CNOT9: variants seen among roughly 807,000 people sequenced by gnomAD.
The protein encoded by CNOT9 is RCD1 required for cell differentiation1 homolog.
Under a neutral mutation model 37.4 loss-of-function variants are expected in CNOT9, and 8 were observed. That is an observed-to-expected ratio of 0.21 (90% CI 0.13 to 0.39). The LOEUF is 0.39. CNOT9 is among the 10% of genes least tolerant of loss of function. The pLI, the probability that CNOT9 is intolerant of heterozygous loss-of-function variation, is 1.00. For synonymous variants in CNOT9, 120 were observed against 137.6 expected (o/e 0.87, Z 0.90); for missense variants, 154 against 365.3 (o/e 0.42, Z 4.71).
chr2:218,575,765 T>C (rs1694145211), intron 1 of CNOT9, among the ~76,000 whole-genome samples: 2 of 152,190 alleles, frequency 1.3e-5, no homozygotes, highest in African/African-American at 4.8e-5. Context: ...TTGGTTGGTA[T>C]CCTGCAATTA....
chr2:218,589,480 C>G (rs369803844), intron 5 of CNOT9, among the ~76,000 whole-genome samples: 1 of 152,142 alleles, frequency 6.6e-6, no homozygotes, highest in East Asian at 1.9e-4. Context: ...GACCACATGC[C>G]TGCTCCACCA....
At chr2:218,586,117 A>G (rs1333846951) in intron 4 of CNOT9, among the ~76,000 whole-genome samples, 4 of 152,238 alleles carry the variant, frequency 2.6e-5, no homozygotes, top group Non-Finnish European at 5.9e-5. Context: ...AGTATTGTTA[A>G]GTTGTTCATT....
intron 4 of CNOT9, 116 bp from the exon 5 acceptor site, chr2:218,587,470 A>G: frequency 7.6e-7 from 1 of 1,320,160 alleles, no homozygotes; most frequent in South Asian, 2.4e-5. Context: ...CCTTTAACAA[A>G]CCCCAGTTTG....
chr2:218,590,440 C>T (rs1324544306), intron 5 of CNOT9, among the ~76,000 whole-genome samples: 2 of 152,208 alleles, frequency 1.3e-5, no homozygotes, highest in African/African-American at 4.8e-5. Context: ...TAACACACTT[C>T]ACTGTGTGTA....
rs1397863790 is a variant in CNOT9, at chr2:218,596,466, GTA to G, written c.*2194_*2195del. On this transcript the variant is annotated 3_prime_UTR_variant, in exon 8 of 8. Coordinates refer to ENST00000273064, the MANE Select transcript of CNOT9 (RefSeq NM_005444.3). ...TTACACTGGAGATTTTATTCTATCA[GTA>G]TATGGGTAACTAGGCACTTTGGTCA... The G allele has an allele frequency of 6.6e-6, 1 of 152,088 alleles. No homozygotes were observed. The highest frequency in any genetic ancestry group is 1.5e-5 in the Non-Finnish European group (1 of 68,040). The allele number at this position is 152,088 out of a possible 1,614,324, so 9.4% of individuals were successfully genotyped here.
chr2:218,577,157 G>C (rs1048665200), intron 1 of CNOT9, among the ~76,000 whole-genome samples: 3 of 152,088 alleles, frequency 2.0e-5, no homozygotes, highest in Admixed American at 6.6e-5. Flanking sequence ...GAGAGTGCTG[G>C]TAAATATAAG....
chr2:218,593,723 C>A, intron 7 of CNOT9: 1 of 1,229,366 alleles, frequency 8.1e-7, no homozygotes, highest in Non-Finnish European at 1.0e-6. Flanking sequence ...ATTAAGTTAT[C>A]ATAAGTTTGA....
At chr2:218,583,211 G>A (rs1694459495) in intron 3 of CNOT9, 125 bp downstream of exon 3, 1 of 359,788 alleles carries the variant, frequency 2.8e-6, no homozygotes, top group Non-Finnish European at 5.0e-6. Context: ...GTGTGTGTGT[G>A]TGTGTGTGTG....
chr2:218,592,420 TCCC>T lies in CNOT9; in HGVS notation c.639+20_639+22del. 6.3e-7 allele frequency: 1 copy of T among 1,591,966 alleles called. No homozygotes were observed. ...TGATCTTGGTGAGTTCTTTCATCTATCCCCTTTACAACTACTTCTCATCACAAA... is the reference window on the plus strand; with the variant it reads ...TGATCTTGGTGAGTTCTTTCATCTATCTTTACAACTACTTCTCATCACAAA... On this transcript the variant is annotated intron_variant, in intron 6 of 7. Transcript: ENST00000273064. This position sits in a 1 kb window ranked among gnomAD's most constrained non-coding sequence, Gnocchi z 4.1.
At position 218,568,885 on chromosome 2, in the gene CNOT9, C is replaced by G; in HGVS notation, c.-70C>G. The stretch of plus-strand genomic sequence containing the variant: ...TACGGCGGCTCATTGTTTTCCGCTG[C>G]AGGGGTGCTGAAGGGGGGACGCGGG... On this transcript the variant is annotated 5_prime_UTR_variant, in exon 1 of 8. Coordinates refer to ENST00000273064, the MANE Select transcript of CNOT9 (RefSeq NM_005444.3). The G allele has an allele frequency of 6.4e-7, 1 of 1,553,822 alleles. No homozygotes were observed. Among genetic ancestry groups the G allele is most frequent in the Middle Eastern group, 1.7e-4 (1 of 5,898 alleles).
chr2:218,583,221 GTGTGTGTGTGTGTCTCTC>G (rs1334910861), intron 3 of CNOT9, 135 bp downstream of exon 3: 133 of 378,170 alleles, frequency 3.5e-4, no homozygotes, highest in African/African-American at 3.4e-3. Flanking sequence ...GTGTGTGTGT[GTGTGTGTGTGTGTCTCTC>G]TCTCTCTCTC....
chr2:218,576,661 A>G (rs547027306), intron 1 of CNOT9, among the ~76,000 whole-genome samples: 22 of 152,330 alleles, frequency 1.4e-4, no homozygotes, highest in Non-Finnish European at 2.9e-4. Flanking sequence ...GTCAAAGAAT[A>G]TAATTTATTA....
chr2:218,585,395 T>C (rs912928525), intron 4 of CNOT9, among the ~76,000 whole-genome samples: 3 of 151,880 alleles, frequency 2.0e-5, no homozygotes, highest in African/African-American at 7.3e-5. Context: ...ACTTTTTTTT[T>C]AGTCTCTACT....
At chr2:218,572,248 G>T (rs1303440381) in intron 1 of CNOT9, among the ~76,000 whole-genome samples, 1 of 152,108 alleles carries the variant, frequency 6.6e-6, no homozygotes, top group Non-Finnish European at 1.5e-5. Flanking sequence ...TTGAACCCAG[G>T]ATGTGGAGGT....
At chr2:218,575,391 T>C (rs1242572887) in intron 1 of CNOT9, among the ~76,000 whole-genome samples, 5 of 142,024 alleles carry the variant, frequency 3.5e-5, no homozygotes, top group African/African-American at 7.5e-5. Flanking sequence ...TTTTTTCTTT[T>C]TTTTTTTTTT....
intron 5 of CNOT9, among the ~76,000 whole-genome samples, chr2:218,591,373 A>G (rs1180788565): frequency 1.3e-5 from 2 of 152,210 alleles, no homozygotes; most frequent in Non-Finnish European, 2.9e-5. Context: ...CAGCCAGGAT[A>G]TGTTTTATTA....
chr2:218,593,701 G>C (rs747672324), intron 7 of CNOT9: 37 of 1,247,396 alleles, frequency 3.0e-5, no homozygotes, highest in Non-Finnish European at 3.8e-5. Flanking sequence ...ACTTAGTATA[G>C]AATTAAAATT....
At position 218,584,622 on chromosome 2, in the gene CNOT9, C is replaced by A; in HGVS notation, c.331C>A (p.Leu111Ile). 1 of 1,613,098 alleles carries A rather than the reference C, an allele frequency of 6.2e-7. No homozygotes were observed. The highest frequency in any genetic ancestry group is 1.1e-5 in the South Asian group (1 of 91,052). Residue 111 changes from leucine (L) to isoleucine (I), a missense_variant, in exon 4 of 8, where the codon CTC becomes ATC. This residue lies in a region of CNOT9 where 117 missense variants were observed against 325.4 expected (regional missense o/e 0.36). Coordinates refer to ENST00000273064, the MANE Select transcript of CNOT9 (RefSeq NM_005444.3). ...ATTGTTTTCTTCCAGGTCAGCGTTT[C>A]TCGCAGCACACATCCCACTTTTTTT... ...ASHPETRSAF[L>I]AAHIPLFLYP...
intron 7 of CNOT9, chr2:218,593,731 T>G: frequency 8.2e-7 from 1 of 1,222,120 alleles, no homozygotes; most frequent in East Asian, 2.7e-5. Context: ...ATCATAAGTT[T>G]GATGATATCC....
Sources: gnomAD v4.1 joint callset for allele counts (sites outside exome capture counted in the v4.1 genomes callset) on GRCh38, gnomAD v4.1.1 for gene constraint, gnomAD v4.1.1 regional missense constraint, Gnocchi (gnomAD v3.1) non-coding constraint, MANE v1.5 for transcripts, NCBI Gene and HGNC (gene_info 2026-07-23, HGNC 2026-07-21) for gene names.